PAPOLA: variants seen among roughly 807,000 people sequenced by gnomAD.
PAPOLA encodes the protein polynucleotide adenylyltransferase alpha.
PAPOLA carries 15 observed loss-of-function variants against 100.6 expected under a neutral mutation model. That is an observed-to-expected ratio of 0.15 (90% CI 0.10 to 0.23). The LOEUF is 0.23. Ranked by LOEUF, PAPOLA falls within the 10% of genes least tolerant of loss-of-function variation. The pLI is 1.00. For missense variants in PAPOLA, 533 were observed against 884.2 expected (o/e 0.60, Z 5.04); for synonymous variants, 293 against 300.0 (o/e 0.98, Z 0.24).
Position 96,512,963 on chromosome 14 carries a change from T to A in PAPOLA, c.9-7092T>A, listed in dbSNP as rs1426728359. Among the ~76,000 whole-genome samples the A allele has an allele frequency of 2.0e-5, 3 of 152,260 alleles. No homozygotes were observed. In the East Asian group the frequency reaches 5.8e-4, roughly 29 times the overall value. Reference sequence around the variant, plus strand: ...GGATAGACACTGCTCATTTCAAGCTTATTTCTGTTGTGCTGGAATTCGGGT... The same window carrying A: ...GGATAGACACTGCTCATTTCAAGCTAATTTCTGTTGTGCTGGAATTCGGGT... On this transcript the variant is annotated intron_variant, in intron 1 of 21. Coordinates refer to ENST00000216277, the MANE Select transcript of PAPOLA (RefSeq NM_032632.5).
chr14:96,562,737 T>C, intron 20 of PAPOLA, 82 bp from the exon 21 acceptor site: 2 of 790,076 alleles, frequency 2.5e-6, no homozygotes, highest in Non-Finnish European at 4.3e-6. Context: ...TTTGTCTTCT[T>C]TATTAGCCAC....
rs1173710764 is a variant in PAPOLA at position 96,542,887 on chromosome 14, CCGA to C, written c.1285_1287del (p.Asp429del). On this transcript the variant is annotated inframe_deletion, in exon 14 of 22. Transcript: ENST00000216277. ...TCATTTCCAGCACCCAAAGAAAATC[CCGA>C]CAAGTAAGCCCTTTTCTAATTTAAT... 1.2e-5 allele frequency: 20 copies of C among 1,611,768 alleles called. No individual in the cohort carries two copies. The Admixed American group carries it at 3.0e-4, about 24-fold the overall frequency.
At chr14:96,521,170 G>A (rs1897931701) in intron 3 of PAPOLA, 98 bp downstream of exon 3, 1 of 696,502 alleles carries the variant, frequency 1.4e-6, no homozygotes, top group East Asian at 2.6e-5. Flanking sequence ...TGGATTTGGA[G>A]TCTTTAATGT....
intron 17 of PAPOLA, among the ~76,000 whole-genome samples, chr14:96,554,979 G>A (rs915996271): frequency 6.6e-6 from 1 of 152,048 alleles, no homozygotes; most frequent in Non-Finnish European, 1.5e-5. Flanking sequence ...TTGTTAAGTA[G>A]GAAGGTCATT....
intron 17 of PAPOLA, among the ~76,000 whole-genome samples, chr14:96,554,068 T>C (rs1370916081): frequency 6.6e-6 from 1 of 152,208 alleles, no homozygotes; most frequent in Non-Finnish European, 1.5e-5. Flanking sequence ...TCTGTGAAAG[T>C]CTGTGTCCTT....
chr14:96,531,731 A>C (rs1332260080), intron 7 of PAPOLA, 145 bp downstream of exon 7: 2 of 1,496,188 alleles, frequency 1.3e-6, no homozygotes, highest in South Asian at 2.6e-5. Flanking sequence ...CTAATAAACT[A>C]CAGAAGAGTA....
chr14:96,533,189 C>T (rs796153563), intron 9 of PAPOLA: 22 of 983,454 alleles, frequency 2.2e-5, no homozygotes, highest in South Asian at 9.4e-5. Flanking sequence ...TAAGTTTCTT[C>T]GTTTCATTTC....
chr14:96,549,251 T>TC (rs1261395068), intron 16 of PAPOLA, among the ~76,000 whole-genome samples: 1 of 146,954 alleles, frequency 6.8e-6, no homozygotes, highest in East Asian at 2.0e-4. Context: ...TTATTCTAAT[T>TC]TTTTTTTTTT....
intron 1 of PAPOLA, chr14:96,504,329 T>A (rs1440870247): frequency 1.3e-5 from 2 of 152,220 alleles, no homozygotes; most frequent in African/African-American, 4.8e-5. Flanking sequence ...CCCCCAACAT[T>A]CTTTGAAGAG....
Position 96,565,603 on chromosome 14 carries a change from T to G in PAPOLA, c.*553T>G, listed in dbSNP as rs1902210902. On this transcript the variant is annotated 3_prime_UTR_variant, in exon 22 of 22. Transcript: ENST00000216277. ...TCTAGTTCAGTTCCTATGAGGTAGCTGTAACCCTTAAAAATGAAACGTCAA... is the reference window on the plus strand; with the variant it reads ...TCTAGTTCAGTTCCTATGAGGTAGCGGTAACCCTTAAAAATGAAACGTCAA... 2 of 395,508 alleles carry G rather than the reference T, an allele frequency of 5.1e-6. No homozygotes were observed. The highest frequency in any genetic ancestry group is 8.9e-6 in the Non-Finnish European group (2 of 224,232). 24.5% of individuals were successfully genotyped at this position (395,508 alleles called of 1,614,324 possible).
At chr14:96,544,699 G>C (rs1287096949) in intron 15 of PAPOLA, among the ~76,000 whole-genome samples, 2 of 151,950 alleles carry the variant, frequency 1.3e-5, no homozygotes, top group African/African-American at 4.8e-5. Context: ...TTCCAAACTT[G>C]ACTTGCGCAT....
chr14:96,554,989 T>C (rs1056256248), intron 17 of PAPOLA, among the ~76,000 whole-genome samples: 1 of 152,070 alleles, frequency 6.6e-6, no homozygotes, highest in Non-Finnish European at 1.5e-5. Context: ...GGAAGGTCAT[T>C]TGAGATTGGC....
rs1897921259 is a variant in PAPOLA at position 96,521,066 on chromosome 14, A to G, written c.243A>G (p.Glu81=). The G allele has an allele frequency of 7.8e-6, 12 of 1,538,930 alleles. No homozygotes were observed. The highest frequency in any genetic ancestry group is 1.1e-5 in the Non-Finnish European group (12 of 1,114,592). The change falls in exon 3 of 22, where the codon GAA becomes GAG. Residue 81 remains glutamate, a synonymous_variant. Transcript: ENST00000216277. ...LVKEWIREIS[E]SKNLPQSVIE... ...AAGAGTGGATACGAGAAATCAGTGA[A>G]AGCAAGGTAAGGCAACTTTTTTGTA...
chr14:96,522,120 T>TTTTTTA (rs1898044482), intron 3 of PAPOLA, among the ~76,000 whole-genome samples: 1 of 94,614 alleles, frequency 1.1e-5, no homozygotes, highest in Non-Finnish European at 2.3e-5. Context: ...TTCTTTCTTT[T>TTTTTTA]TTTTTTTTTT....
At position 96,535,429 on chromosome 14, in the gene PAPOLA, C is replaced by T. The variant is rs376623800; in HGVS notation, c.910-450C>T. ...ATCAACATGGATAATGTAGTTTCAC[C>T]GCGTGTTAATAAGCTTGAACTCCTT... On this transcript the variant is annotated intron_variant, in intron 10 of 21. Transcript: ENST00000216277. The T allele has an allele frequency of 2.4e-5, 24 of 983,420 alleles. No homozygotes were observed. In the South Asian group the frequency reaches 2.8e-4, roughly 12 times the overall value. 60.9% of individuals were successfully genotyped at this position (983,420 alleles called of 1,614,324 possible). A position where few individuals can be genotyped will look rare whatever the true frequency, so the allele number is the denominator to read the frequency against.
chr14:96,540,596 C>T (rs1262666455), intron 12 of PAPOLA, among the ~76,000 whole-genome samples: 1 of 152,022 alleles, frequency 6.6e-6, no homozygotes, highest in Admixed American at 6.6e-5. Flanking sequence ...TTTATTTGGG[C>T]CATCTGTGCT....
chr14:96,556,241 C>T lies in PAPOLA; in HGVS notation c.1832C>T (p.Thr611Met), dbSNP rs144871315. The change falls in exon 19 of 22, where the codon ACG becomes ATG. Residue 611 changes from threonine to methionine, a missense_variant. Physicochemically the swap from Thr to Met is moderately conservative, Grantham distance 81. Transcript: ENST00000216277. ...GCCATTTCTCCACCACCAAAGCCTA[C>T]GGTCTCCAGAGTTGTTTCTTCAACA... is the stretch of plus-strand genomic sequence containing the variant. ...QPAISPPPKP[T>M]VSRVVSSTRL... The T allele has an allele frequency of 5.3e-5, 85 of 1,613,944 alleles. No homozygotes were observed. The highest frequency in any genetic ancestry group is 3.3e-4 in the Middle Eastern group (2 of 6,084).
chr14:96,547,610 C>T (rs1900491765), intron 15 of PAPOLA, 187 bp from the exon 16 acceptor site: 6 of 462,648 alleles, frequency 1.3e-5, no homozygotes, highest in Non-Finnish European at 1.9e-5. Flanking sequence ...TTATTCAGCT[C>T]ATCTTGTGGT....
Position 96,502,531 on chromosome 14 carries a change from C to T in PAPOLA, c.-62C>T, listed in dbSNP as rs762735054. Reference sequence around the variant, plus strand: ...CCCTCCCGCCTCAGTGGATCATGCCCAGGGCGGCAGCGGCGGCGGTTGCGG... The same window carrying T: ...CCCTCCCGCCTCAGTGGATCATGCCTAGGGCGGCAGCGGCGGCGGTTGCGG... On this transcript the variant is annotated 5_prime_UTR_variant, in exon 1 of 22. Transcript: ENST00000216277. The T allele has an allele frequency of 4.3e-6, 6 of 1,381,124 alleles. No homozygotes were observed. In the African/African-American group the frequency reaches 5.9e-5, roughly 14 times the overall value. 85.6% of individuals were successfully genotyped at this position (1,381,124 alleles called of 1,614,324 possible). A position where few individuals can be genotyped will look rare whatever the true frequency, so the allele number is the denominator to read the frequency against.
Sources: allele counts gnomAD v4.1 joint callset (sites outside exome capture counted in the v4.1 genomes callset), GRCh38; gene constraint gnomAD v4.1.1; transcripts MANE v1.5; gene names NCBI Gene and HGNC (gene_info 2026-07-23, HGNC 2026-07-21).